The following FHIT variants were observed in gnomAD, a reference collection of about 807,000 sequenced individuals.
FHIT encodes the protein fragile histidine triad diadenosine triphosphatase.
Under a neutral mutation model 17.9 loss-of-function variants are expected in FHIT, and 19 were observed. The ratio of observed to expected loss-of-function variants is 1.06; its 90% CI spans 0.74 to 1.56. The LOEUF is 1.56. Ranked by LOEUF, FHIT falls within the 40% of genes most tolerant of loss-of-function variation. The pLI is 0.00. For synonymous variants in FHIT, 81 were observed against 69.7 expected, an observed-to-expected ratio of 1.16 and a Z score of -0.81; for missense variants, 248 against 189.2, an observed-to-expected ratio of 1.31 and a Z score of -1.82.
intron 2 of FHIT, among the ~76,000 whole-genome samples, chr3:61,160,284 G>C: frequency 6.6e-6 from 1 of 151,744 alleles, no homozygotes; most frequent in East Asian, 1.9e-4. Flanking sequence ...GCAATGGTGA[G>C]AGACCCAAGC....
chr3:59,752,544 G>C (rs1700974169), intron 8 of FHIT, among the ~76,000 whole-genome samples: 1 of 152,140 alleles, frequency 6.6e-6, no homozygotes, highest in African/African-American at 2.4e-5. Context: ...TACTGAGGCT[G>C]AGGGGGGTGA....
intron 2 of FHIT, among the ~76,000 whole-genome samples, chr3:61,093,924 A>T (rs1006931605): frequency 6.6e-6 from 1 of 152,210 alleles, no homozygotes; most frequent in Admixed American, 6.5e-5. Context: ...TGACTCTGCT[A>T]CACTGGAAAT....
intron 7 of FHIT, among the ~76,000 whole-genome samples, chr3:59,982,205 A>G (rs767795530): frequency 6.6e-6 from 1 of 152,182 alleles, no homozygotes; most frequent in Non-Finnish European, 1.5e-5. Flanking sequence ...GATGGGGCTT[A>G]TGAATCCTAT....
At chr3:60,320,483 T>G (rs1040610827) in intron 5 of FHIT, among the ~76,000 whole-genome samples, 1 of 152,198 alleles carries the variant, frequency 6.6e-6, no homozygotes, top group Non-Finnish European at 1.5e-5. Context: ...GCTAATAAAG[T>G]GCGTTTTAAC....
At chr3:59,970,884 T>C (rs1005739612) in intron 7 of FHIT, among the ~76,000 whole-genome samples, 23 of 149,780 alleles carry the variant, frequency 1.5e-4, no homozygotes, top group African/African-American at 4.7e-4. Context: ...AATCAGGGTT[T>C]AACCGGTGAA....
chr3:60,774,700 T>G (rs2108081816), intron 4 of FHIT, among the ~76,000 whole-genome samples: 1 of 152,298 alleles, frequency 6.6e-6, no homozygotes, highest in East Asian at 1.9e-4. Flanking sequence ...GAATCATTAG[T>G]AAGTAAAATA....
At chr3:60,154,916 C>T (rs1016288337) in intron 5 of FHIT, among the ~76,000 whole-genome samples, 1 of 152,074 alleles carries the variant, frequency 6.6e-6, no homozygotes. Context: ...AGAATAAGGA[C>T]CAGGCACGAT....
At chr3:60,645,744 C>T (rs781983806) in intron 4 of FHIT, among the ~76,000 whole-genome samples, 11 of 152,166 alleles carry the variant, frequency 7.2e-5, no homozygotes, top group South Asian at 4.2e-4. Flanking sequence ...TATGTGTGTA[C>T]GTCATATTTT....
chr3:59,885,688 G>T (rs17061335), intron 8 of FHIT, among the ~76,000 whole-genome samples: 9,523 of 152,170 alleles, frequency 0.063, 357 homozygotes, highest in African/African-American at 0.1. Context: ...TGTGCCTGGG[G>T]TGTCACCAAC....
rs547072003 is a variant in FHIT at position 61,077,020 on chromosome 3, A to G, written c.-163-34921T>C. Among the ~76,000 whole-genome samples the G allele has an allele frequency of 3.3e-5, 5 of 152,288 alleles. No individual in the cohort carries two copies. In the South Asian group the frequency reaches 1.0e-3, roughly 32 times the overall value. On this transcript the variant is annotated intron_variant, in intron 2 of 9. Transcript: ENST00000492590. ...ACCAAACTTACAGGCAGGATGAATGAGGCTAAATGTGTTTATTATTTAAAT... is the reference window on the plus strand; with the variant it reads ...ACCAAACTTACAGGCAGGATGAATGGGGCTAAATGTGTTTATTATTTAAAT...
intron 8 of FHIT, among the ~76,000 whole-genome samples, chr3:59,761,363 A>T (rs1701503901): frequency 6.6e-6 from 1 of 152,164 alleles, no homozygotes. Context: ...ATCTGATACC[A>T]GTATAGGAAT....
At chr3:60,192,107 A>G (rs969897933) in intron 5 of FHIT, among the ~76,000 whole-genome samples, 8 of 151,760 alleles carry the variant, frequency 5.3e-5, no homozygotes, top group African/African-American at 1.9e-4. Context: ...AAAAATTACC[A>G]AAGCATGGTG....
chr3:60,399,638 T>C (rs1701585166), intron 5 of FHIT, among the ~76,000 whole-genome samples: 1 of 152,158 alleles, frequency 6.6e-6, no homozygotes, highest in South Asian at 2.1e-4. Flanking sequence ...GATAAATTAC[T>C]TTTTCTAGGA....
chr3:60,270,896 ATCT>A lies in FHIT; in HGVS notation c.104-256747_104-256745del, dbSNP rs1576398751. On this transcript the variant is annotated intron_variant, in intron 5 of 9. Transcript: ENST00000492590. ...CACAGTGCACAGCAGACTGACAATG[ATCT>A]TCTTGCAATAGGTCATAGAAAGGGC... 2.0e-5 allele frequency among the ~76,000 whole-genome samples: 3 copies of A among 152,316 alleles called. No individual in the cohort carries two copies. In the South Asian group the frequency reaches 6.2e-4, roughly 32 times the overall value.
chr3:59,901,098 T>G (rs1267397639), intron 8 of FHIT, among the ~76,000 whole-genome samples: 1 of 152,256 alleles, frequency 6.6e-6, no homozygotes, highest in African/African-American at 2.4e-5. Flanking sequence ...AATCCTGTTT[T>G]CCTTCACAGG....
intron 2 of FHIT, among the ~76,000 whole-genome samples, chr3:61,176,032 A>T (rs2107149814): frequency 6.6e-6 from 1 of 152,362 alleles, no homozygotes; most frequent in South Asian, 2.1e-4. Flanking sequence ...ATTGACAAAC[A>T]TCAGTATCTC....
At chr3:59,975,456 A>T in intron 7 of FHIT, among the ~76,000 whole-genome samples, 1 of 152,148 alleles carries the variant, frequency 6.6e-6, no homozygotes, top group Non-Finnish European at 1.5e-5. Flanking sequence ...TCCTGGCCAC[A>T]CAGTAACTAA....
rs115265121 is a variant in FHIT, at chr3:60,518,630, G to C, written c.103+18230C>G. On this transcript the variant is annotated intron_variant, in intron 5 of 9. Coordinates refer to ENST00000492590, the MANE Select transcript of FHIT (RefSeq NM_002012.4). ...CCAAAGATCCTGTACCAAAATATTT[G>C]TTACACATATGTCGAAAAGTCAGTA... is the stretch of plus-strand genomic sequence containing the variant. Among the ~76,000 whole-genome samples, 945 of 152,236 alleles carry C rather than the reference G, an allele frequency of 6.2e-3. 17 individuals are homozygous for C. The highest frequency in any genetic ancestry group is 0.022 in the African/African-American group (913 of 41,540).
chr3:60,341,848 A>T (rs1027893204), intron 5 of FHIT, among the ~76,000 whole-genome samples: 7 of 152,282 alleles, frequency 4.6e-5, no homozygotes, highest in Non-Finnish European at 7.4e-5. Flanking sequence ...CTGGGTCAGA[A>T]CCCTGTACGT....
Sources: gnomAD v4.1 joint callset for allele counts (sites outside exome capture counted in the v4.1 genomes callset) on GRCh38, gnomAD v4.1.1 for gene constraint, MANE v1.5 for transcripts, NCBI Gene and HGNC (gene_info 2026-07-23, HGNC 2026-07-21) for gene names.